Variants in ACACA observed in about 807,000 individuals in gnomAD.
ACACA encodes acetyl-CoA carboxylase 1.
In ACACA, 103 loss-of-function variants were observed where a neutral mutation model predicts 296.1. The ratio of observed to expected loss-of-function variants is 0.35; its 90% CI spans 0.30 to 0.41. The LOEUF is 0.41. ACACA is among the 10% of genes least tolerant of loss of function. The pLI is 1.00. For synonymous variants in ACACA, 953 were observed against 1,038.6 expected, an observed-to-expected ratio of 0.92 and a Z score of 1.58; for missense variants, 1,554 against 2,989.7, an observed-to-expected ratio of 0.52 and a Z score of 11.20.
Position 37,087,261 on chromosome 17 carries a change from G to C in ACACA, c.*55C>G, listed in dbSNP as rs1371792970. ...CATTACAGTGGTTACAGTTGTAAAAGGCAGCTCTAGCCCTTTTCTCCAGAG... is the reference window on the plus strand; with the variant it reads ...CATTACAGTGGTTACAGTTGTAAAACGCAGCTCTAGCCCTTTTCTCCAGAG... On this transcript the variant is annotated 3_prime_UTR_variant, in exon 56 of 56. Coordinates refer to ENST00000616317, the MANE Select transcript of ACACA (RefSeq NM_198834.3). 2 of 1,612,352 alleles carry C rather than the reference G, an allele frequency of 1.2e-6. No individual in the cohort carries two copies. Among genetic ancestry groups the C allele is most frequent in the Non-Finnish European group, 1.7e-6 (2 of 1,179,342 alleles).
intron 5 of ACACA, among the ~76,000 whole-genome samples, chr17:37,278,525 T>C (rs895687717): frequency 5.9e-5 from 9 of 152,220 alleles, no homozygotes; most frequent in African/African-American, 9.7e-5. Context: ...ATACTGAGGG[T>C]AACAGGTATT....
At chr17:37,136,345 T>C (rs1158956266) in intron 45 of ACACA, among the ~76,000 whole-genome samples, 1 of 152,210 alleles carries the variant, frequency 6.6e-6, no homozygotes, top group Non-Finnish European at 1.5e-5. Flanking sequence ...TCAGTTAGCA[T>C]ATTGCATCTA....
intron 52 of ACACA, among the ~76,000 whole-genome samples, chr17:37,102,961 C>T (rs1288146399): frequency 1.3e-5 from 2 of 152,116 alleles, no homozygotes; most frequent in African/African-American, 2.4e-5. Context: ...CAAGACCCAC[C>T]TCAAAAAAGC....
intron 1 of ACACA, among the ~76,000 whole-genome samples, chr17:37,346,674 C>CCTAGGCG (rs1568030538): frequency 6.8e-6 from 1 of 147,866 alleles, no homozygotes; most frequent in African/African-American, 2.5e-5. Flanking sequence ...TGCACTCCAG[C>CCTAGGCG]CTAGGCGACA....
intron 3 of ACACA, among the ~76,000 whole-genome samples, chr17:37,322,450 T>C (rs749823248): frequency 2.6e-4 from 40 of 152,082 alleles, no homozygotes; most frequent in Non-Finnish European, 5.3e-4. Context: ...ACTATTGATA[T>C]GGGAAGGGGA....
Position 37,231,867 on chromosome 17 carries a change from T to C in ACACA, c.3246+3108A>G, listed in dbSNP as rs552035531. On this transcript the variant is annotated intron_variant, in intron 25 of 55. Transcript: ENST00000616317. ...AATATCTCTAAGCAAACATAAACAATGTTCTGAGTTCTAAGCTTTTTCCTA... is the reference window on the plus strand; with the variant it reads ...AATATCTCTAAGCAAACATAAACAACGTTCTGAGTTCTAAGCTTTTTCCTA... Among the ~76,000 whole-genome samples, 3 of 152,334 alleles carry C rather than the reference T, an allele frequency of 2.0e-5. No individual in the cohort carries two copies. In the East Asian group the frequency reaches 5.8e-4, roughly 29 times the overall value.
intron 52 of ACACA, among the ~76,000 whole-genome samples, chr17:37,102,140 T>C (rs2073395945): frequency 6.6e-6 from 1 of 151,974 alleles, no homozygotes; most frequent in African/African-American, 2.4e-5. Flanking sequence ...GTGTCTATTT[T>C]ACAGGTAAGA....
intron 45 of ACACA, among the ~76,000 whole-genome samples, chr17:37,136,952 A>AAAAAGCAAAAAACAAAAAAC (rs2075360981): frequency 6.6e-6 from 1 of 151,972 alleles, no homozygotes; most frequent in African/African-American, 2.4e-5. Flanking sequence ...CAAAAAAAAA[A>AAAAAGCAAAAAACAAAAAAC]AAAGCAAAAA....
chr17:37,225,319 T>A (rs1450957935), intron 26 of ACACA: 2 of 515,372 alleles, frequency 3.9e-6, no homozygotes, highest in African/African-American at 3.9e-5. Flanking sequence ...ATGATTTGCA[T>A]TGTGGCCAAT....
Position 37,155,749 on chromosome 17 carries a change from T to C in ACACA, c.5381A>G (p.Asp1794Gly), listed in dbSNP as rs2076215987. 2 of 1,610,584 alleles carry C rather than the reference T, an allele frequency of 1.2e-6. No homozygotes were observed. The highest frequency in any genetic ancestry group is 1.7e-6 in the Non-Finnish European group (2 of 1,178,370). Residue 1794 changes from aspartate (D) to glycine (G), a missense_variant, in exon 43 of 56, where the codon GAT becomes GGT. Transcript: ENST00000616317. Reference protein sequence around the residue: ...GYRYLYLTPQDYKRVSALNSV... With the variant: ...GYRYLYLTPQGYKRVSALNSV... The stretch of plus-strand genomic sequence containing the variant: ...GTTGAGAGCACTGACTCTCTTATAA[T>C]CTTGAGGAGTCAGATATAAATACCT...
At chr17:37,291,141 CAT>C (rs1194476361) in intron 3 of ACACA, among the ~76,000 whole-genome samples, 1 of 87,148 alleles carries the variant, frequency 1.1e-5, no homozygotes, top group South Asian at 3.6e-4. Context: ...ATGAAAAACA[CAT>C]ACACACACAC....
At chr17:37,287,175 T>C (rs1464257) in intron 3 of ACACA, among the ~76,000 whole-genome samples, 48,326 of 151,996 alleles carry the variant, frequency 0.32, 9,279 homozygotes, top group African/African-American at 0.52. Context: ...CTTTTCTTCC[T>C]TTCCCCTACA....
intron 52 of ACACA, among the ~76,000 whole-genome samples, chr17:37,102,199 CTTTTTTTTTT>C (rs35050543): frequency 6.6e-5 from 7 of 106,092 alleles, no homozygotes; most frequent in African/African-American, 2.3e-4. Flanking sequence ...GCATCCAGCT[CTTTTTTTTTT>C]TTTTTTTTTT....
In ACACA at chr17:37,406,608, C is replaced by T. The variant is rs969807339; in HGVS notation, c.-309G>A. 2 of 544,918 alleles carry T rather than the reference C, an allele frequency of 3.7e-6. No homozygotes were observed. The highest frequency in any genetic ancestry group is 3.8e-5 in the African/African-American group (2 of 52,778). 33.8% of individuals were successfully genotyped at this position (544,918 alleles called of 1,614,324 possible). ...CCGCCTCACCGCACTCCGGAGGGGA[C>T]CAAACAGCCCCACGCGCCAGGAAGC... On this transcript the variant is annotated 5_prime_UTR_variant, in exon 1 of 56. Transcript: ENST00000616317.
intron 1 of ACACA, among the ~76,000 whole-genome samples, chr17:37,342,933 C>A (rs2048452050): frequency 6.6e-6 from 1 of 151,632 alleles, no homozygotes; most frequent in Non-Finnish European, 1.5e-5. Flanking sequence ...GTCTCAAAAA[C>A]AAAAACAAAA....
chr17:37,268,711 C>CTG (rs2081908139), intron 10 of ACACA, among the ~76,000 whole-genome samples: 6 of 127,732 alleles, frequency 4.7e-5, no homozygotes, highest in African/African-American at 1.9e-4. Flanking sequence ...ATATCTATAT[C>CTG]TATATCTATC....
chr17:37,139,467 T>C (rs2075471543), intron 45 of ACACA, among the ~76,000 whole-genome samples: 1 of 152,216 alleles, frequency 6.6e-6, no homozygotes. Context: ...AAGAGGGTAA[T>C]ACATTCTAGC....
intron 3 of ACACA, among the ~76,000 whole-genome samples, chr17:37,287,520 C>G (rs2082831495): frequency 6.7e-6 from 1 of 149,616 alleles, no homozygotes; most frequent in Non-Finnish European, 1.5e-5. Flanking sequence ...TCACTTGAGG[C>G]CAGGAGTTCT....
chr17:37,397,579 C>G (rs564507668), intron 1 of ACACA, among the ~76,000 whole-genome samples: 2 of 152,222 alleles, frequency 1.3e-5, no homozygotes, highest in East Asian at 3.9e-4. Context: ...GAATTCATCT[C>G]TTTAGACTTA....
Sources: allele counts gnomAD v4.1 joint callset (sites outside exome capture counted in the v4.1 genomes callset), GRCh38; gene constraint gnomAD v4.1.1; transcripts MANE v1.5; gene names NCBI Gene and HGNC (gene_info 2026-07-23, HGNC 2026-07-21).